The following BTK variants were observed in gnomAD, a reference collection of about 807,000 sequenced individuals.
BTK encodes the protein tyrosine-protein kinase BTK.
In BTK, 5 loss-of-function variants were observed where a neutral mutation model predicts 57.4. The observed-to-expected ratio is 0.09, with a 90% CI of 0.05 to 0.18. The LOEUF is 0.18. Among genes scored for constraint, BTK ranks in the 10% least tolerant of loss-of-function variants. The probability of loss-of-function intolerance (pLI) is 1.00; values close to 1 mark genes in which losing one functional copy is unlikely to be tolerated. For synonymous variants in BTK, 154 were observed against 174.3 expected (o/e 0.88, Z 0.92); for missense variants, 194 against 501.2 (o/e 0.39, Z 5.85).
chrX:101,381,126 C>T (rs782672976), intron 1 of BTK, among the ~76,000 whole-genome samples: 6 of 108,588 alleles, frequency 5.5e-5, no homozygotes, highest in Non-Finnish European at 1.1e-4. Context: ...GCTAGTTCTA[C>T]TTCATATGTT....
chrX:101,374,668 G>T, intron 2 of BTK, 34 bp from the exon 3 acceptor site: 2 of 1,037,568 alleles, frequency 1.9e-6, no homozygotes, highest in Non-Finnish European at 2.7e-6. Flanking sequence ...AATGGAGAAA[G>T]ATTAAGAGGG....
chrX:101,370,510 G>C (rs1926991282), intron 4 of BTK, among the ~76,000 whole-genome samples: 1 of 111,421 alleles, frequency 9.0e-6, no homozygotes, highest in South Asian at 3.8e-4. Context: ...TTATTCACTT[G>C]GATAATATGG....
intron 3 of BTK, among the ~76,000 whole-genome samples, chrX:101,372,543 G>A (rs1555980487): frequency 9.1e-6 from 1 of 109,352 alleles, no homozygotes; most frequent in African/African-American, 3.3e-5. Flanking sequence ...CCGCCTCCTG[G>A]GTTCAAGGGA....
rs782768849 is a variant in BTK at position 101,377,114 on chromosome X, C to T, written c.-30-1800G>A. ...AATTGGGCAAGAGTGCAAACCTTTC[C>T]CTCCACCCTGCCACACACCCTGACT... On this transcript the variant is annotated intron_variant, in intron 1 of 18. Coordinates refer to ENST00000308731, the MANE Select transcript of BTK (RefSeq NM_000061.3). Among the ~76,000 whole-genome samples, 3 of 111,185 alleles carry T rather than the reference C, an allele frequency of 2.7e-5. No individual in the cohort carries two copies. In the East Asian group the frequency reaches 8.5e-4, roughly 31 times the overall value.
intron 4 of BTK, 67 bp from the exon 5 acceptor site, chrX:101,370,146 A>G: frequency 1.1e-6 from 1 of 880,994 alleles, no homozygotes; most frequent in Non-Finnish European, 1.7e-6. Flanking sequence ...CCTTGAAAGT[A>G]CTAATCTTAG....
intron 15 of BTK, chrX:101,355,584 GTT>G (rs139150210): frequency 1.3e-4 from 14 of 108,576 alleles, no homozygotes; most frequent in East Asian, 2.6e-4. Flanking sequence ...AAATTCCAGG[GTT>G]TTTTTTTTTT....
chrX:101,358,741 C>T (rs1188679175), intron 10 of BTK, 45 bp from the exon 11 acceptor site: 4 of 1,055,713 alleles, frequency 3.8e-6, no homozygotes, highest in Non-Finnish European at 5.3e-6. Context: ...AAGTGGTGCT[C>T]ACACCTGCAT....
Position 101,358,598 on chromosome X carries a change from T to C in BTK, c.974+19A>G. On this transcript the variant is annotated intron_variant, in intron 11 of 18. Coordinates refer to ENST00000308731, the MANE Select transcript of BTK (RefSeq NM_000061.3). ...ACCCCTGTTCTTTGTCCTCAGGGCC[T>C]TGGAATAGTAGCACTCACCCTGTGG... is the stretch of plus-strand genomic sequence containing the variant. 2.5e-6 allele frequency: 3 copies of C among 1,202,645 alleles called. No homozygotes were observed. The highest frequency in any genetic ancestry group is 3.4e-6 in the Non-Finnish European group (3 of 887,255).
chrX:101,355,093 A>G (rs1189941778), intron 15 of BTK, among the ~76,000 whole-genome samples: 3 of 112,062 alleles, frequency 2.7e-5, no homozygotes, highest in African/African-American at 9.7e-5. Flanking sequence ...AGCCTGGCCA[A>G]CATGGCGATA....
At chrX:101,367,319 C>A (rs897155299) in intron 5 of BTK, among the ~76,000 whole-genome samples, 2 of 109,559 alleles carry the variant, frequency 1.8e-5, no homozygotes, top group East Asian at 5.7e-4. Flanking sequence ...CATTACTCAC[C>A]CTTAAATATA....
At chrX:101,352,899 CAAAAAA>C in intron 18 of BTK, 1 of 169,931 alleles carries the variant, frequency 5.9e-6, no homozygotes, top group Non-Finnish European at 1.0e-5. Context: ...ACTGTGTCAC[CAAAAAA>C]AAAAAAAAAA....
At chrX:101,382,087 C>T (rs922244805) in intron 1 of BTK, among the ~76,000 whole-genome samples, 1 of 107,940 alleles carries the variant, frequency 9.3e-6, no homozygotes, top group Admixed American at 9.9e-5. Context: ...AACAAAGCAA[C>T]CTTTAATCTT....
intron 5 of BTK, among the ~76,000 whole-genome samples, chrX:101,367,784 A>T (rs1164399256): frequency 9.0e-6 from 1 of 111,708 alleles, no homozygotes; most frequent in African/African-American, 3.2e-5. Flanking sequence ...TTTCTCCTTC[A>T]GCTAGTCTGC....
At chrX:101,354,789 C>A in intron 15 of BTK, 95 bp from the exon 16 acceptor site, 1 of 833,680 alleles carries the variant, frequency 1.2e-6, no homozygotes. Flanking sequence ...GCCAGGGAAG[C>A]TTCATCTCCT....
At chrX:101,385,289 G>C (rs1927577781) in intron 1 of BTK, among the ~76,000 whole-genome samples, 1 of 111,584 alleles carries the variant, frequency 9.0e-6, no homozygotes. Flanking sequence ...GGAGGAGGTT[G>C]GAGAGGAGGA....
At chrX:101,364,672 A>AGT (rs1926794217) in intron 5 of BTK, among the ~76,000 whole-genome samples, 2 of 109,829 alleles carry the variant, frequency 1.8e-5, no homozygotes, top group Non-Finnish European at 3.8e-5. Flanking sequence ...CCTCTTCACC[A>AGT]GTGTACCAAG....
At chrX:101,383,209 A>G (rs1927508917) in intron 1 of BTK, among the ~76,000 whole-genome samples, 1 of 111,329 alleles carries the variant, frequency 9.0e-6, no homozygotes, top group Non-Finnish European at 1.9e-5. Flanking sequence ...CGTAACATCT[A>G]TGTATGTATG....
intron 15 of BTK, chrX:101,355,821 TG>T: frequency 2.3e-6 from 1 of 438,657 alleles, no homozygotes; most frequent in Non-Finnish European, 4.0e-6. Context: ...GGTAGGGGGT[TG>T]GGAGTGAGTG....
At chrX:101,353,493 T>C (rs1926368009) in intron 17 of BTK, 142 bp from the exon 18 acceptor site, 1 of 593,510 alleles carries the variant, frequency 1.7e-6, no homozygotes, top group Non-Finnish European at 2.8e-6. Flanking sequence ...ATTTCTGCTA[T>C]AGTACTGACC....
Sources: gnomAD v4.1 joint callset for allele counts (sites outside exome capture counted in the v4.1 genomes callset) on GRCh38, gnomAD v4.1.1 for gene constraint, MANE v1.5 for transcripts, NCBI Gene and HGNC (gene_info 2026-07-23, HGNC 2026-07-21) for gene names.